The following DNAH1 variants were observed in gnomAD, a reference collection of about 807,000 sequenced individuals.
DNAH1 encodes the protein axonemal beta dynein heavy chain 1.
In DNAH1, 327 loss-of-function variants were observed where a neutral mutation model predicts 484.3. The ratio of observed to expected loss-of-function variants is 0.68; its 90% confidence interval spans 0.62 to 0.74. The LOEUF (loss-of-function observed/expected upper bound fraction) is 0.74. Among genes scored for constraint, DNAH1 ranks in the 30% least tolerant of loss-of-function variants. DNAH1 has a pLI of 0.00. For missense variants in DNAH1, 5,052 were observed against 5,546.8 expected, an observed-to-expected ratio of 0.91 and a Z score of 2.83; for synonymous variants, 2,192 against 2,191.9, an observed-to-expected ratio of 1.00 and a Z score of 0.00.
At chr3:52,363,517 G>C (rs1002900516) in intron 32 of DNAH1, among the ~76,000 whole-genome samples, 1 of 152,168 alleles carries the variant, frequency 6.6e-6, no homozygotes, top group Non-Finnish European at 1.5e-5. Flanking sequence ...GGACAGCCAG[G>C]CCCTCCGAGC....
chr3:52,357,495 A>G (rs1702660896), intron 22 of DNAH1, 119 bp from the exon 23 acceptor site: 6 of 1,337,548 alleles, frequency 4.5e-6, no homozygotes, highest in South Asian at 1.5e-5. Context: ...ATTTTTCTGC[A>G]TCTTCTTTCC....
At chr3:52,373,801 C>G (rs1224744155) in intron 44 of DNAH1, 2 of 1,422,332 alleles carry the variant, frequency 1.4e-6, no homozygotes, top group African/African-American at 1.4e-5. Flanking sequence ...GAATATATCA[C>G]CCATAATTGG....
intron 17 of DNAH1, 61 bp from the exon 18 acceptor site, chr3:52,352,491 G>A: frequency 6.4e-7 from 1 of 1,566,804 alleles, no homozygotes; most frequent in South Asian, 1.2e-5. Context: ...GGTTTGCATG[G>A]GAAGGCCTGG....
In DNAH1 at chr3:52,332,263, G is replaced by T; in HGVS notation, c.1155G>T (p.Thr385=). 1 of 1,614,020 alleles carries T rather than the reference G, an allele frequency of 6.2e-7. No individual in the cohort carries two copies. Residue 385 remains threonine, a synonymous_variant, in exon 8 of 78, where the codon ACG becomes ACT. Transcript: ENST00000420323. The part of the protein sequence containing the change: ...VVQANALRKN[T]EALLLYNLYV... ...AGGCCAACGCCCTGCGCAAGAACAC[G>T]GAAGCACTGCTGCTCTACAACTTGT...
chr3:52,346,558 C>T lies in DNAH1; in HGVS notation c.1743C>T (p.Tyr581=). 1 of 1,614,066 alleles carries T rather than the reference C, an allele frequency of 6.2e-7. No individual in the cohort carries two copies. The highest frequency in any genetic ancestry group is 1.1e-5 in the South Asian group (1 of 91,086). ...TGCGCGACATGAGCAAGGGCTGGTA[C>T]AACCTCTACGAGACCAACTGGGAGG... ...SSLRDMSKGW[Y]NLYETNWEVY... The change falls in exon 11 of 78, where the codon TAC becomes TAT. Residue 581 remains tyrosine (Y), a synonymous_variant. Coordinates refer to ENST00000420323, the MANE Select transcript of DNAH1 (RefSeq NM_015512.5).
At position 52,347,955 on chromosome 3, in the gene DNAH1, C is replaced by CCGTA. The variant is rs1481690412; in HGVS notation, c.2090_2091insACGT (p.Pro698ArgfsTer17). 6.2e-7 allele frequency: 1 copy of CCGTA among 1,609,452 alleles called. No individual in the cohort carries two copies. Among genetic ancestry groups the CCGTA allele is most frequent in the African/African-American group, 1.3e-5 (1 of 74,864 alleles). Reference sequence around the variant, plus strand: ...GACAAGGGCATCCTGGCCACCCATGCCGTGCCCCAGCTGGAGAAGGTACGT... The same window carrying CCGTA: ...GACAAGGGCATCCTGGCCACCCATGCCGTACGTGCCCCAGCTGGAGAAGGTACGT... On this transcript the variant is annotated frameshift_variant, in exon 12 of 78. Coordinates refer to ENST00000420323, the MANE Select transcript of DNAH1 (RefSeq NM_015512.5). LOFTEE classifies it high-confidence loss of function.
intron 76 of DNAH1, 95 bp downstream of exon 76, chr3:52,399,296 C>T (rs1704794037): frequency 7.6e-7 from 1 of 1,314,738 alleles, no homozygotes; most frequent in African/African-American, 1.5e-5. Context: ...AGTTGGGGGA[C>T]CCCTAAGCCA....
In DNAH1 at chr3:52,327,949, G is replaced by T; in HGVS notation, c.806G>T (p.Gly269Val). 1.9e-6 allele frequency: 3 copies of T among 1,613,982 alleles called. No individual in the cohort carries two copies. The highest frequency in any genetic ancestry group is 2.5e-6 in the Non-Finnish European group (3 of 1,179,852). ...REWINMGLEP[G>V]SLDRKPVPGK... ...TGGATCAACATGGGCTTGGAGCCAG[G>T]GTCTCTGGACAGGAAACCTGTCCCG... The change falls in exon 6 of 78, where the codon GGG (glycine) becomes GTG (valine). Residue 269 changes from glycine to valine, a missense_variant. By Grantham distance (109) the Gly-to-Val change is moderately radical (BLOSUM62 -3). Around this residue, in one of 4 missense-constraint regions of DNAH1, gnomAD observed 1,263 missense variants for 1,218.8 expected, o/e 1.04. Transcript: ENST00000420323.
intron 56 of DNAH1, among the ~76,000 whole-genome samples, chr3:52,387,798 A>G (rs900109937): frequency 6.6e-6 from 1 of 152,200 alleles, no homozygotes; most frequent in Non-Finnish European, 1.5e-5. Context: ...TTGAGGTTAA[A>G]CATGAGCCTG....
intron 73 of DNAH1, among the ~76,000 whole-genome samples, chr3:52,397,343 G>T (rs1294226560): frequency 6.6e-6 from 1 of 152,198 alleles, no homozygotes; most frequent in Non-Finnish European, 1.5e-5. Flanking sequence ...CCACAGTCAG[G>T]GAGGGCTGCC....
chr3:52,326,689 C>G (rs1486609317), intron 4 of DNAH1, 46 bp from the exon 5 acceptor site: 1 of 1,544,788 alleles, frequency 6.5e-7, no homozygotes, highest in Admixed American at 1.9e-5. Context: ...GGAGCCACCT[C>G]ACACGAGCCA....
In DNAH1 at chr3:52,348,957, G is replaced by A. The variant is rs767830730; in HGVS notation, c.2176G>A (p.Val726Met). 2 of 1,613,376 alleles carry A rather than the reference G, an allele frequency of 1.2e-6. No homozygotes were observed. The highest frequency in any genetic ancestry group is 1.3e-5 in the African/African-American group (1 of 74,918). ...LESVGLHEPL[V>M]EELRATIASA... ...GTCCGTGGGCCTTCATGAGCCACTG[G>A]TGGAAGAGCTACGGGCCACCATTGC... Residue 726 changes from valine to methionine, a missense_variant, in exon 13 of 78, where the codon GTG becomes ATG. Physicochemically the swap from Val to Met is conservative, Grantham distance 21. This residue lies in a region of DNAH1 where 1,263 missense variants were observed against 1,218.8 expected (regional missense o/e 1.04). Transcript: ENST00000420323.
chr3:52,384,862 A>T lies in DNAH1; in HGVS notation c.8399A>T (p.Asn2800Ile), dbSNP rs575886630. 1.2e-5 allele frequency: 20 copies of T among 1,612,910 alleles called. No homozygotes were observed. The South Asian group carries it at 2.2e-4, about 18-fold the overall frequency. The change falls in exon 53 of 78, where the codon AAC becomes ATC. Residue 2800 changes from asparagine to isoleucine, a missense_variant. This residue lies in a region of DNAH1 where 2,929 missense variants were observed against 3,409.4 expected (regional missense o/e 0.86). Coordinates refer to ENST00000420323, the MANE Select transcript of DNAH1 (RefSeq NM_015512.5). ...TACCTGGCAGAGCTGACCCGCCACA[A>T]CTATGTGACCCCCAAGAGCTACTTG... is the stretch of plus-strand genomic sequence containing the variant. ...IEYLAELTRHNYVTPKSYLEL... is the reference protein window; with the variant it reads ...IEYLAELTRHIYVTPKSYLEL...
rs1396963144 is a variant in DNAH1 at position 52,326,235 on chromosome 3, C to G, written c.502C>G (p.Leu168Val). 6.2e-7 allele frequency: 1 copy of G among 1,613,246 alleles called. No homozygotes were observed. Reference sequence around the variant, plus strand: ...GCTGCTCGCCCAGACTGACTTCCCACTGCAGGCCTACGAGCCCAAGATGCA... The same window carrying G: ...GCTGCTCGCCCAGACTGACTTCCCAGTGCAGGCCTACGAGCCCAAGATGCA... The part of the protein sequence containing the change: ...TRLLAQTDFP[L>V]QAYEPKMQVP... Residue 168 changes from leucine (L) to valine (V), a missense_variant, in exon 4 of 78, where the codon CTG becomes GTG. By Grantham distance (32) the Leu-to-Val change is conservative (BLOSUM62 1). This residue lies in a region of DNAH1 where 1,263 missense variants were observed against 1,218.8 expected (regional missense o/e 1.04). Coordinates refer to ENST00000420323, the MANE Select transcript of DNAH1 (RefSeq NM_015512.5).
At position 52,349,216 on chromosome 3, in the gene DNAH1, G is replaced by T; in HGVS notation, c.2322G>T (p.Leu774=). The change falls in exon 14 of 78, where the codon CTG becomes CTT. Residue 774 remains leucine, a synonymous_variant. Transcript: ENST00000420323. ...SFLKTYQTQG[L]LAQEVREVVL... ...TCAGAACCTACCAGACGCAGGGCCT[G>T]TTGGCCCAGGAGGTGCGGGAGGTAG... is the stretch of plus-strand genomic sequence containing the variant. The T allele has an allele frequency of 6.2e-7, 1 of 1,613,732 alleles. No individual in the cohort carries two copies. The highest frequency in any genetic ancestry group is 1.1e-5 in the South Asian group (1 of 91,058).
rs763541529 is a variant in DNAH1 at position 52,346,426 on chromosome 3, G to A, written c.1657-46G>A. 4.8e-5 allele frequency: 74 copies of A among 1,552,932 alleles called. 1 individual carries two copies. The highest frequency in any genetic ancestry group is 1.1e-4 in the Admixed American group (6 of 53,876). Reference sequence around the variant, plus strand: ...GAGTCCCTGAGTGCAGCTATAGGTCGTGGGTCCCCAGGGTGGCCATATGAT... The same window carrying A: ...GAGTCCCTGAGTGCAGCTATAGGTCATGGGTCCCCAGGGTGGCCATATGAT... On this transcript the variant is annotated intron_variant, in intron 10 of 77. Transcript: ENST00000420323.
Position 52,398,836 on chromosome 3 carries a change from C to G in DNAH1, c.12090-14C>G, listed in dbSNP as rs771818011. On this transcript the variant is annotated splice_polypyrimidine_tract_variant and intron_variant, in intron 75 of 77. Coordinates refer to ENST00000420323, the MANE Select transcript of DNAH1 (RefSeq NM_015512.5). The stretch of plus-strand genomic sequence containing the variant: ...CCCAGCCCACTACCTATTCTCTTGC[C>G]ACTGGCCTCACAGGTACAATCGGCT... The G allele has an allele frequency of 2.0e-6, 3 of 1,515,408 alleles. No individual in the cohort carries two copies. In the African/African-American group the frequency reaches 4.2e-5, roughly 21 times the overall value. The allele number at this position is 1,515,408 out of a possible 1,614,324, so 93.9% of individuals were successfully genotyped here.
At position 52,358,673 on chromosome 3, in the gene DNAH1, T is replaced by C. The variant is rs769739933; in HGVS notation, c.4202T>C (p.Val1401Ala). The C allele has an allele frequency of 1.9e-6, 3 of 1,612,336 alleles. No individual in the cohort carries two copies. Among genetic ancestry groups the C allele is most frequent in the Non-Finnish European group, 2.5e-6 (3 of 1,179,550 alleles). The change falls in exon 25 of 78, where the codon GTG becomes GCG. Residue 1401 changes from valine (V) to alanine (A), a missense_variant. Val to Ala is a moderately conservative substitution (Grantham distance 64, BLOSUM62 0). Coordinates refer to ENST00000420323, the MANE Select transcript of DNAH1 (RefSeq NM_015512.5). This position sits in a 1 kb window ranked among gnomAD's most constrained non-coding sequence, Gnocchi z 4.2. ...AACGTGGAGGACTGGCTGCGGGAGG[T>C]GGAGCGCAGCATGAAGGCCAGTGTG... is the stretch of plus-strand genomic sequence containing the variant. ...SSNVEDWLRE[V>A]ERSMKASVHD...
chr3:52,393,368 C>G lies in DNAH1; in HGVS notation c.10509C>G (p.Arg3503=). The G allele has an allele frequency of 6.2e-7, 1 of 1,614,036 alleles. No individual in the cohort carries two copies. The highest frequency in any genetic ancestry group is 8.5e-7 in the Non-Finnish European group (1 of 1,179,900). The change falls in exon 66 of 78, where the codon CGC becomes CGG. Residue 3503 remains arginine, a synonymous_variant. Coordinates refer to ENST00000420323, the MANE Select transcript of DNAH1 (RefSeq NM_015512.5). The part of the protein sequence containing the change: ...NLKKRISNIN[R]YLTYSLYSNV... ...AGAAGCGCATCTCCAACATCAACCGCTACCTGACCTACAGCCTCTACAGCA... is the reference window on the plus strand; with the variant it reads ...AGAAGCGCATCTCCAACATCAACCGGTACCTGACCTACAGCCTCTACAGCA...
Sources: allele counts gnomAD v4.1 joint callset (sites outside exome capture counted in the v4.1 genomes callset), GRCh38; gene constraint gnomAD v4.1.1; regional missense constraint gnomAD v4.1.1; non-coding constraint Gnocchi (gnomAD v3.1); transcripts MANE v1.5; gene names NCBI Gene and HGNC (gene_info 2026-07-23, HGNC 2026-07-21).